PTPRD: variants seen among roughly 807,000 people sequenced by gnomAD.
PTPRD encodes protein tyrosine phosphatase receptor type D.
A neutral mutation model predicts 214.5 loss-of-function variants in PTPRD; 34 were observed. The ratio of observed to expected loss-of-function variants is 0.16; its 90% CI spans 0.12 to 0.21. PTPRD has a LOEUF of 0.21. Among genes scored for constraint, PTPRD ranks in the 10% least tolerant of loss-of-function variants. PTPRD has a pLI of 1.00. For synonymous variants in PTPRD, 1,128 were observed against 845.7 expected (o/e 1.33, Z -5.79); for missense variants, 2,545 against 2,398.7 (o/e 1.06, Z -1.27).
chr9:10,032,061 G>C (rs1290489697), intron 4 of PTPRD, among the ~76,000 whole-genome samples: 2 of 152,046 alleles, frequency 1.3e-5, no homozygotes, highest in African/African-American at 4.8e-5. Flanking sequence ...TTGAACTGAG[G>C]ATTAATTAAA....
At chr9:10,182,259 C>CAAAAAAAAAAAA (rs3075574) in intron 3 of PTPRD, among the ~76,000 whole-genome samples, 74 of 53,898 alleles carry the variant, frequency 1.4e-3, no homozygotes, top group Non-Finnish European at 1.7e-3. Context: ...GACTCTGCCT[C>CAAAAAAAAAAAA]AAAAAAAAAA....
intron 3 of PTPRD, among the ~76,000 whole-genome samples, chr9:10,151,197 A>G (rs2099058548): frequency 7.5e-6 from 1 of 132,694 alleles, no homozygotes; most frequent in South Asian, 2.5e-4. Context: ...AGTAGCTGGG[A>G]TTACAGGCAC....
intron 7 of PTPRD, among the ~76,000 whole-genome samples, chr9:9,590,499 ATTC>A (rs960319512): frequency 3.9e-5 from 6 of 152,052 alleles, no homozygotes; most frequent in African/African-American, 1.2e-4. Flanking sequence ...TATTATCTGT[ATTC>A]TTATTTCTAA....
intron 8 of PTPRD, among the ~76,000 whole-genome samples, chr9:9,572,161 G>T (rs1318558180): frequency 2.0e-5 from 3 of 151,250 alleles, no homozygotes; most frequent in Admixed American, 2.0e-4. Context: ...AATATAAAGT[G>T]CAAATATTCA....
intron 11 of PTPRD, among the ~76,000 whole-genome samples, chr9:8,812,411 G>T (rs988032300): frequency 6.6e-6 from 1 of 152,178 alleles, no homozygotes; most frequent in Non-Finnish European, 1.5e-5. Context: ...AAGTTTCCAT[G>T]TATCTGCTAA....
At chr9:8,483,714 G>C (rs2096937810) in intron 30 of PTPRD, among the ~76,000 whole-genome samples, 3 of 152,206 alleles carry the variant, frequency 2.0e-5, no homozygotes, top group Non-Finnish European at 4.4e-5. Flanking sequence ...GGGAGGTGGA[G>C]GTTGCAGTGA....
At chr9:8,807,919 A>C (rs1384844594) in intron 11 of PTPRD, among the ~76,000 whole-genome samples, 1 of 152,164 alleles carries the variant, frequency 6.6e-6, no homozygotes, top group Non-Finnish European at 1.5e-5. Context: ...ATTCCACTGA[A>C]TGCACTAATT....
At chr9:9,840,845 T>C (rs900646942) in intron 5 of PTPRD, among the ~76,000 whole-genome samples, 7 of 150,880 alleles carry the variant, frequency 4.6e-5, no homozygotes, top group African/African-American at 1.7e-4. Context: ...TATGTATGTA[T>C]TTATTTATAT....
intron 14 of PTPRD, among the ~76,000 whole-genome samples, chr9:8,611,813 G>GGAGAGGAGAT: frequency 6.8e-6 from 1 of 147,676 alleles, no homozygotes; most frequent in African/African-American, 2.5e-5. Context: ...AAAGAGGAGA[G>GGAGAGGAGAT]GAGAAGAGAG....
At chr9:8,516,289 C>T (rs1038531352) in intron 21 of PTPRD, among the ~76,000 whole-genome samples, 23 of 152,036 alleles carry the variant, frequency 1.5e-4, no homozygotes, top group African/African-American at 5.6e-4. Flanking sequence ...TACAGAAGTA[C>T]TGCAAATGGC....
chr9:9,661,778 G>A lies in PTPRD; in HGVS notation c.-287+72755C>T, dbSNP rs568494164. On this transcript the variant is annotated intron_variant, in intron 7 of 45. Transcript: ENST00000381196. ...TAAGAAAATAAAGGAAGAAAGAGAAGGAAAAAGGGAGATAACTTGAAGAGG... is the reference window on the plus strand; with the variant it reads ...TAAGAAAATAAAGGAAGAAAGAGAAAGAAAAAGGGAGATAACTTGAAGAGG... 1.0e-3 allele frequency among the ~76,000 whole-genome samples: 152 copies of A among 151,604 alleles called. 2 individuals are homozygous for A. Among genetic ancestry groups the A allele is most frequent in the Admixed American group, 3.4e-3 (52 of 15,184 alleles).
At chr9:9,137,465 C>A (rs1209794816) in intron 10 of PTPRD, among the ~76,000 whole-genome samples, 1 of 152,056 alleles carries the variant, frequency 6.6e-6, no homozygotes, top group African/African-American at 2.4e-5. Context: ...GTTTTTCTGT[C>A]TGAATATATA....
At chr9:8,830,945 T>C (rs920562331) in intron 11 of PTPRD, among the ~76,000 whole-genome samples, 1 of 152,146 alleles carries the variant, frequency 6.6e-6, no homozygotes, top group Admixed American at 6.6e-5. Flanking sequence ...CAGCATTTAG[T>C]ATGAAGTTTA....
At chr9:9,426,330 C>G (rs1044675669) in intron 8 of PTPRD, among the ~76,000 whole-genome samples, 1 of 152,182 alleles carries the variant, frequency 6.6e-6, no homozygotes, top group Admixed American at 6.5e-5. Flanking sequence ...AGTCTGAGAT[C>G]GAACTGCAAG....
intron 11 of PTPRD, among the ~76,000 whole-genome samples, chr9:8,969,304 A>G (rs1215707593): frequency 6.6e-6 from 1 of 152,088 alleles, no homozygotes; most frequent in Non-Finnish European, 1.5e-5. Flanking sequence ...ATCTTGGAGA[A>G]TGATCTGGCA....
chr9:10,543,590 C>A (rs2059608224), intron 2 of PTPRD, among the ~76,000 whole-genome samples: 1 of 151,946 alleles, frequency 6.6e-6, no homozygotes. Flanking sequence ...GATCTATCAG[C>A]ATTATTGGAA....
intron 11 of PTPRD, among the ~76,000 whole-genome samples, chr9:8,841,875 G>A (rs938082399): frequency 2.0e-5 from 3 of 152,018 alleles, no homozygotes; most frequent in African/African-American, 7.2e-5. Context: ...GCCAGGTGTG[G>A]TGGCGGACAC....
chr9:9,683,206 G>C (rs1028400627), intron 7 of PTPRD, among the ~76,000 whole-genome samples: 2 of 151,774 alleles, frequency 1.3e-5, no homozygotes. Context: ...TATTCAATGA[G>C]TTAAGTGACC....
intron 2 of PTPRD, among the ~76,000 whole-genome samples, chr9:10,454,116 T>C (rs532146376): frequency 1.3e-5 from 2 of 150,838 alleles, no homozygotes; most frequent in Non-Finnish European, 3.0e-5. Context: ...ATGAAAAAAA[T>C]AGCAAACTAT....
Sources: gnomAD v4.1 joint callset for allele counts (sites outside exome capture counted in the v4.1 genomes callset) on GRCh38, gnomAD v4.1.1 for gene constraint, MANE v1.5 for transcripts, NCBI Gene and HGNC (gene_info 2026-07-23, HGNC 2026-07-21) for gene names.